The following INPP4B variants were observed in gnomAD, a reference collection of about 807,000 sequenced individuals.
The protein encoded by INPP4B is inositol polyphosphate 4-phosphatase type II.
Under a neutral mutation model 122.5 loss-of-function variants are expected in INPP4B, and 55 were observed. The ratio of observed to expected loss-of-function variants is 0.45; its 90% confidence interval spans 0.36 to 0.56. The LOEUF (loss-of-function observed/expected upper bound fraction) is 0.56. Among genes scored for constraint, INPP4B ranks in the 20% least tolerant of loss-of-function variants. The pLI is 0.00. For synonymous variants in INPP4B, 403 were observed against 388.7 expected, an observed-to-expected ratio of 1.04 and a Z score of -0.43; for missense variants, 1,000 against 1,097.7, an observed-to-expected ratio of 0.91 and a Z score of 1.26.
intron 6 of INPP4B, among the ~76,000 whole-genome samples, chr4:142,403,945 A>G (rs962747173): frequency 1.3e-5 from 2 of 152,214 alleles, no homozygotes; most frequent in African/African-American, 4.8e-5. Context: ...TAAGATGGTA[A>G]ATTTTATAAT....
intron 25 of INPP4B, among the ~76,000 whole-genome samples, chr4:142,035,573 C>A (rs1199708450): frequency 6.6e-6 from 1 of 152,158 alleles, no homozygotes; most frequent in Non-Finnish European, 1.5e-5. Context: ...GGTGGAGGAG[C>A]AGAGGGCCAG....
At chr4:142,271,555 C>A (rs78496434) in intron 9 of INPP4B, among the ~76,000 whole-genome samples, 2,013 of 152,292 alleles carry the variant, frequency 0.013, 18 homozygotes, top group South Asian at 0.037. Context: ...GACTTTGTGC[C>A]TTTTCTCTAA....
chr4:142,126,123 C>A (rs1341703450), intron 18 of INPP4B, among the ~76,000 whole-genome samples: 1 of 152,024 alleles, frequency 6.6e-6, no homozygotes. Context: ...GATCAAAGCC[C>A]TGGCAAATGT....
chr4:142,529,087 T>C lies in INPP4B; in HGVS notation c.-190-66361A>G, dbSNP rs559981440. Among the ~76,000 whole-genome samples, 3 of 152,190 alleles carry C rather than the reference T, an allele frequency of 2.0e-5. No homozygotes were observed. In the South Asian group the frequency reaches 6.2e-4, roughly 32 times the overall value. ...GTCGCAAAATGAAATGTGTTGGCATTTCTCCTATCCATGAAACCACAGTGA... is the reference window on the plus strand; with the variant it reads ...GTCGCAAAATGAAATGTGTTGGCATCTCTCCTATCCATGAAACCACAGTGA... On this transcript the variant is annotated intron_variant, in intron 2 of 25. Transcript: ENST00000262992.
intron 22 of INPP4B, among the ~76,000 whole-genome samples, chr4:142,108,720 G>A (rs746141294): frequency 3.8e-4 from 58 of 152,030 alleles, no homozygotes; most frequent in Admixed American, 2.7e-3. Context: ...CATTTTTTTC[G>A]TTCATACCAT....
chr4:142,208,359 C>G, intron 14 of INPP4B, 66 bp downstream of exon 14: 2 of 724,310 alleles, frequency 2.8e-6, no homozygotes, highest in Non-Finnish European at 2.2e-6. Context: ...TGCCAATAGT[C>G]AAGCTGTTTA....
At chr4:142,587,434 A>G (rs1736464310) in intron 2 of INPP4B, among the ~76,000 whole-genome samples, 1 of 152,122 alleles carries the variant, frequency 6.6e-6, no homozygotes, top group Non-Finnish European at 1.5e-5. Flanking sequence ...TAAAAAATTG[A>G]ATCAATAATT....
intron 1 of INPP4B, among the ~76,000 whole-genome samples, chr4:142,821,553 G>A (rs1013667658): frequency 2.0e-5 from 3 of 151,938 alleles, no homozygotes; most frequent in Non-Finnish European, 2.9e-5. Context: ...TTTTCAAATT[G>A]CCATAACTAT....
chr4:142,210,244 G>A (rs1431941352), intron 12 of INPP4B, among the ~76,000 whole-genome samples: 2 of 152,124 alleles, frequency 1.3e-5, no homozygotes, highest in Non-Finnish European at 2.9e-5. Context: ...AATAATGGAT[G>A]GTGTGCAAAA....
At chr4:142,587,311 T>C (rs1736432430) in intron 2 of INPP4B, among the ~76,000 whole-genome samples, 2 of 152,128 alleles carry the variant, frequency 1.3e-5, no homozygotes, top group Non-Finnish European at 1.5e-5. Flanking sequence ...GTGGTTGTGA[T>C]TAGGTATATA....
At chr4:142,711,988 C>T (rs950848068) in intron 2 of INPP4B, among the ~76,000 whole-genome samples, 3 of 152,130 alleles carry the variant, frequency 2.0e-5, no homozygotes, top group Admixed American at 2.0e-4. Flanking sequence ...GTGGAGGTTT[C>T]AGTGAGCTGA....
chr4:142,155,654 C>A (rs1579102788), intron 17 of INPP4B, among the ~76,000 whole-genome samples: 1 of 151,946 alleles, frequency 6.6e-6, no homozygotes, highest in South Asian at 2.1e-4. Context: ...TGCAGAAATT[C>A]AAAAAATTGC....
chr4:142,565,382 C>A (rs1202205601), intron 2 of INPP4B, among the ~76,000 whole-genome samples: 1 of 152,134 alleles, frequency 6.6e-6, no homozygotes, highest in Admixed American at 6.6e-5. Context: ...TACAGAAACA[C>A]TGAATAACAA....
chr4:142,114,945 A>G (rs1459395326), intron 21 of INPP4B, among the ~76,000 whole-genome samples: 1 of 152,056 alleles, frequency 6.6e-6, no homozygotes, highest in Non-Finnish European at 1.5e-5. Context: ...ACTAGAATAA[A>G]CAGTATAGAG....
intron 1 of INPP4B, among the ~76,000 whole-genome samples, chr4:142,750,002 T>C (rs1769430433): frequency 1.3e-5 from 2 of 151,994 alleles, no homozygotes; most frequent in African/African-American, 2.4e-5. Context: ...TGGCTATGCA[T>C]TTCAAAAGCA....
Position 142,083,939 on chromosome 4 carries a change from T to C in INPP4B, c.2488-1754A>G, listed in dbSNP as rs60953989. Among the ~76,000 whole-genome samples, 36 of 152,292 alleles carry C rather than the reference T, an allele frequency of 2.4e-4. No homozygotes were observed. In the East Asian group the frequency reaches 6.7e-3, roughly 29 times the overall value. ...ATGCACTTGTCCTACTTAGAATATT[T>C]AATGTTCTAAATTTAAAGTCTAGTG... On this transcript the variant is annotated intron_variant, in intron 24 of 25. Transcript: ENST00000262992.
chr4:142,332,344 A>G (rs1774845040), intron 7 of INPP4B, among the ~76,000 whole-genome samples: 1 of 152,182 alleles, frequency 6.6e-6, no homozygotes, highest in Non-Finnish European at 1.5e-5. Flanking sequence ...CTAGACATTT[A>G]GTACAGATTT....
At chr4:142,240,467 A>G (rs1858809862) in intron 11 of INPP4B, among the ~76,000 whole-genome samples, 1 of 152,198 alleles carries the variant, frequency 6.6e-6, no homozygotes, top group South Asian at 2.1e-4. Flanking sequence ...TACCAGGTAC[A>G]CATCATCCAA....
chr4:142,747,458 T>G (rs1768936324), intron 1 of INPP4B, among the ~76,000 whole-genome samples: 1 of 152,010 alleles, frequency 6.6e-6, no homozygotes, highest in African/African-American at 2.4e-5. Flanking sequence ...TGGAAGAGAG[T>G]GTGGTGATTC....
Sources: gnomAD v4.1 joint callset for allele counts (sites outside exome capture counted in the v4.1 genomes callset) on GRCh38, gnomAD v4.1.1 for gene constraint, MANE v1.5 for transcripts, NCBI Gene and HGNC (gene_info 2026-07-23, HGNC 2026-07-21) for gene names.